The following PHACTR3 variants were observed in gnomAD, a reference collection of about 807,000 sequenced individuals.
PHACTR3 encodes the protein protein phosphatase 1, regulatory subunit 123.
Under a neutral mutation model 66.8 loss-of-function variants are expected in PHACTR3, and 16 were observed. The observed-to-expected ratio is 0.24, with a 90% CI of 0.16 to 0.36. PHACTR3 has a LOEUF of 0.36. Ranked by LOEUF, PHACTR3 falls within the 10% of genes least tolerant of loss-of-function variation. PHACTR3 has a pLI of 1.00. For synonymous variants in PHACTR3, 323 were observed against 292.1 expected (o/e 1.11, Z -1.08); for missense variants, 647 against 719.9 (o/e 0.90, Z 1.16).
intron 1 of PHACTR3, among the ~76,000 whole-genome samples, chr20:59,733,617 C>T (rs2038845390): frequency 6.6e-6 from 1 of 152,134 alleles, no homozygotes; most frequent in South Asian, 2.1e-4. Flanking sequence ...GCGGAGTTGT[C>T]AAAGAGGCTG....
intron 1 of PHACTR3, among the ~76,000 whole-genome samples, chr20:59,722,274 G>A (rs2038343250): frequency 6.6e-6 from 1 of 151,348 alleles, no homozygotes; most frequent in Admixed American, 6.6e-5. Context: ...ATTGAACTGA[G>A]GAAGGTACAG....
intron 8 of PHACTR3, among the ~76,000 whole-genome samples, chr20:59,835,458 A>C (rs1327722490): frequency 1.3e-5 from 2 of 152,168 alleles, no homozygotes; most frequent in East Asian, 3.9e-4. Context: ...GATTATAAAT[A>C]GGAGATAAAT....
chr20:59,597,649 G>A (rs771329810), intron 1 of PHACTR3, among the ~76,000 whole-genome samples: 1 of 152,270 alleles, frequency 6.6e-6, no homozygotes, highest in Non-Finnish European at 1.5e-5. Context: ...CACATGGTAA[G>A]AGCTAAGTGT....
chr20:59,729,802 G>A (rs2038699545), intron 1 of PHACTR3, among the ~76,000 whole-genome samples: 1 of 152,194 alleles, frequency 6.6e-6, no homozygotes, highest in African/African-American at 2.4e-5. Context: ...GATGAAGCGA[G>A]CAGCCCTGAT....
At chr20:59,670,840 T>C (rs2036171907) in intron 1 of PHACTR3, among the ~76,000 whole-genome samples, 1 of 152,140 alleles carries the variant, frequency 6.6e-6, no homozygotes, top group African/African-American at 2.4e-5. Context: ...CCAGAACGCC[T>C]CCCCAGTCCG....
chr20:59,579,915 G>A (rs1009007537), intron 1 of PHACTR3, among the ~76,000 whole-genome samples: 5 of 152,164 alleles, frequency 3.3e-5, no homozygotes, highest in South Asian at 2.1e-4. Context: ...GAGACTGGCC[G>A]GAGGCTTCTG....
chr20:59,787,340 T>A (rs2146944933), intron 7 of PHACTR3, among the ~76,000 whole-genome samples: 1 of 152,174 alleles, frequency 6.6e-6, no homozygotes, highest in East Asian at 1.9e-4. Flanking sequence ...GGGAGGGCAC[T>A]GAGCTGAGAT....
chr20:59,725,806 T>G (rs1382384879), intron 1 of PHACTR3, among the ~76,000 whole-genome samples: 1 of 152,142 alleles, frequency 6.6e-6, no homozygotes, highest in African/African-American at 2.4e-5. Flanking sequence ...CCACCAGTCA[T>G]TGGCTCTCGG....
intron 7 of PHACTR3, among the ~76,000 whole-genome samples, chr20:59,798,445 T>C (rs1054888508): frequency 1.3e-5 from 2 of 152,250 alleles, no homozygotes; most frequent in Non-Finnish European, 2.9e-5. Context: ...TATTATTCTC[T>C]AAATGTTTTG....
chr20:59,807,140 A>C (rs1260245834), intron 8 of PHACTR3, among the ~76,000 whole-genome samples: 1 of 152,114 alleles, frequency 6.6e-6, no homozygotes, highest in Non-Finnish European at 1.5e-5. Context: ...TTTTTTCTTT[A>C]ATAGTAACTT....
intron 1 of PHACTR3, among the ~76,000 whole-genome samples, chr20:59,733,260 C>T (rs2146726443): frequency 6.6e-6 from 1 of 152,166 alleles, no homozygotes; most frequent in Admixed American, 6.5e-5. Context: ...TCAGTCATTA[C>T]TTAGGAATTT....
At chr20:59,764,222 G>C (rs2040099826) in intron 4 of PHACTR3, among the ~76,000 whole-genome samples, 1 of 150,074 alleles carries the variant, frequency 6.7e-6, no homozygotes, top group African/African-American at 2.5e-5. Flanking sequence ...CCAGAAGTGA[G>C]GACACTGACC....
intron 7 of PHACTR3, among the ~76,000 whole-genome samples, chr20:59,786,084 G>T (rs1390236152): frequency 6.6e-6 from 1 of 152,240 alleles, no homozygotes; most frequent in African/African-American, 2.4e-5. Context: ...AGTCAGTTCG[G>T]TGTTTTGCCA....
intron 1 of PHACTR3, among the ~76,000 whole-genome samples, chr20:59,627,802 A>T (rs1445326157): frequency 6.6e-6 from 1 of 152,196 alleles, no homozygotes; most frequent in East Asian, 1.9e-4. Flanking sequence ...TATATCTATC[A>T]TCTATAAATA....
Position 59,767,324 on chromosome 20 carries a change from A to G in PHACTR3, c.680A>G (p.Gln227Arg), listed in dbSNP as rs1262352084. Residue 227 changes from glutamine (Q) to arginine (R), a missense_variant, in exon 5 of 13, where the codon CAG becomes CGG. Coordinates refer to ENST00000371015, the MANE Select transcript of PHACTR3 (RefSeq NM_080672.5). ...AGACCTCTGGAGAGATCCGTGGGCC[A>G]GCTCCCCAGCCCCCCACTGCTGCCC... ...PPRPLERSVG[Q>R]LPSPPLLPTP... The G allele has an allele frequency of 6.2e-7, 1 of 1,614,132 alleles. No individual in the cohort carries two copies. The highest frequency in any genetic ancestry group is 1.1e-5 in the South Asian group (1 of 91,082).
chr20:59,779,241 GC>G (rs2146915320), intron 7 of PHACTR3, among the ~76,000 whole-genome samples: 1 of 152,318 alleles, frequency 6.6e-6, no homozygotes, highest in South Asian at 2.1e-4. Flanking sequence ...GCAGTGCTTT[GC>G]TTTTGTCACA....
intron 1 of PHACTR3, among the ~76,000 whole-genome samples, chr20:59,652,463 A>T (rs147988408): frequency 6.6e-6 from 1 of 152,238 alleles, no homozygotes; most frequent in East Asian, 1.9e-4. Context: ...AGGCAGGAGG[A>T]TCCATTGAGC....
At position 59,820,128 on chromosome 20, in the gene PHACTR3, G is replaced by A. The variant is rs559460171; in HGVS notation, c.1328+13934G>A. Among the ~76,000 whole-genome samples, 17 of 152,284 alleles carry A rather than the reference G, an allele frequency of 1.1e-4. 1 individual carries two copies. In the South Asian group the frequency reaches 1.2e-3, roughly 11 times the overall value. The stretch of plus-strand genomic sequence containing the variant: ...AGATGCACCTTCCTGAGCTCTTGGC[G>A]TGGCACCACCTCCTGCTTCACCACT... On this transcript the variant is annotated intron_variant, in intron 8 of 12. Transcript: ENST00000371015. This position sits in a 1 kb window ranked among gnomAD's most constrained non-coding sequence, Gnocchi z 4.6.
chr20:59,719,755 CCTT>C (rs1157026429), intron 1 of PHACTR3, among the ~76,000 whole-genome samples: 1 of 152,158 alleles, frequency 6.6e-6, no homozygotes, highest in Non-Finnish European at 1.5e-5. Context: ...TTTAGTGACC[CCTT>C]CTTCTTCCCG....
Sources: allele counts gnomAD v4.1 joint callset (sites outside exome capture counted in the v4.1 genomes callset), GRCh38; gene constraint gnomAD v4.1.1; non-coding constraint Gnocchi (gnomAD v3.1); transcripts MANE v1.5; gene names NCBI Gene and HGNC (gene_info 2026-07-23, HGNC 2026-07-21).